BRD8: variants seen among roughly 807,000 people sequenced by gnomAD.
BRD8 encodes bromodomain-containing protein 8.
A neutral mutation model predicts 143.1 loss-of-function variants in BRD8; 67 were observed. The observed-to-expected ratio is 0.47, with a 90% confidence interval of 0.38 to 0.57. BRD8 has a LOEUF of 0.57. BRD8 is among the 20% of genes least tolerant of loss of function. The probability of loss-of-function intolerance (pLI) is 0.00; values close to 1 mark genes in which losing one functional copy is unlikely to be tolerated. For synonymous variants in BRD8, 505 were observed against 517.1 expected, an observed-to-expected ratio of 0.98 and a Z score of 0.32; for missense variants, 1,103 against 1,503.0, an observed-to-expected ratio of 0.73 and a Z score of 4.40.
rs142953765 is a variant in BRD8 at position 138,145,198 on chromosome 5, C to A, written c.3416G>T (p.Gly1139Val). 9.9e-5 allele frequency: 159 copies of A among 1,613,766 alleles called. No homozygotes were observed. The highest frequency in any genetic ancestry group is 1.5e-4 in the Admixed American group (9 of 59,958). The change falls in exon 25 of 27, where the codon GGG (glycine) becomes GTG (valine). Residue 1139 changes from glycine (G) to valine (V), a missense_variant. By Grantham distance (109) the Gly-to-Val change is moderately radical. Around this residue, in one of 7 missense-constraint regions of BRD8, gnomAD observed 369 missense variants for 445.5 expected, o/e 0.83. Coordinates refer to ENST00000254900, the MANE Select transcript of BRD8 (RefSeq NM_139199.2). ...TGACCTTTTCACCACATCCTTGTACCCTGGGGCCTGCCTTTCTGACACAGG... is the reference window on the plus strand; with the variant it reads ...TGACCTTTTCACCACATCCTTGTACACTGGGGCCTGCCTTTCTGACACAGG... The part of the protein sequence containing the change: ...LKPVSERQAP[G>V]YKDVVKRPMD...
At position 138,150,991 on chromosome 5, in the gene BRD8, C is replaced by G; in HGVS notation, c.2874G>C (p.Glu958Asp). Residue 958 changes from glutamate to aspartate, a missense_variant, in exon 22 of 27, where the codon GAG becomes GAC. Physicochemically the swap from Glu to Asp is conservative, Grantham distance 45 (BLOSUM62 2). This residue lies in a region of BRD8 where 369 missense variants were observed against 445.5 expected (regional missense o/e 0.83). Transcript: ENST00000254900. ...HFLSEVAYLM[E>D]PLCISSNESS... ...ATTCGTTGCTGCTGATGCACAAGGGCTCCATTAAATAAGCTACCTGCAATC... is the reference window on the plus strand; with the variant it reads ...ATTCGTTGCTGCTGATGCACAAGGGGTCCATTAAATAAGCTACCTGCAATC... 6.2e-7 allele frequency: 1 copy of G among 1,612,410 alleles called. No individual in the cohort carries two copies.
chr5:138,175,663 G>A (rs2151222881), intron 2 of BRD8, among the ~76,000 whole-genome samples: 1 of 149,972 alleles, frequency 6.7e-6, no homozygotes, highest in African/African-American at 2.5e-5. Context: ...AACATAGTGG[G>A]ACCTCGTCTC....
chr5:138,156,328 C>A (rs1581419027), intron 20 of BRD8, among the ~76,000 whole-genome samples: 1 of 152,076 alleles, frequency 6.6e-6, no homozygotes, highest in East Asian at 1.9e-4. Flanking sequence ...TTTGTAGAGA[C>A]AGAGTTTCAC....
At chr5:138,143,759 CTG>C (rs1752014671) in intron 25 of BRD8, among the ~76,000 whole-genome samples, 1 of 152,168 alleles carries the variant, frequency 6.6e-6, no homozygotes, top group African/African-American at 2.4e-5. Context: ...AATCAGCACT[CTG>C]TAAAAACGCA....
rs1405648062 is a variant in BRD8 at position 138,171,954 on chromosome 5, A to G, written c.186+111T>C. 4.9e-6 allele frequency: 4 copies of G among 823,898 alleles called. No individual in the cohort carries two copies. The East Asian group carries it at 9.7e-5, about 20-fold the overall frequency. 51.0% of individuals were successfully genotyped at this position (823,898 alleles called of 1,614,324 possible). The stretch of plus-strand genomic sequence containing the variant: ...GAAAAAGAAAAAGGTATTCTCAACT[A>G]TTTTCCCACATCATGGTATAAAAGC... On this transcript the variant is annotated intron_variant, in intron 3 of 26. Transcript: ENST00000254900.
In BRD8 at chr5:138,149,805, T is replaced by C. The variant is rs774597154; in HGVS notation, c.3121-8A>G. 1.3e-6 allele frequency: 2 copies of C among 1,591,908 alleles called. No homozygotes were observed. The highest frequency in any genetic ancestry group is 1.7e-6 in the Non-Finnish European group (2 of 1,173,368). On this transcript the variant is annotated splice_polypyrimidine_tract_variant and splice_region_variant and intron_variant, in intron 22 of 26. Coordinates refer to ENST00000254900, the MANE Select transcript of BRD8 (RefSeq NM_139199.2). ...TTCTTGCTGAGCCTCCCCCTAGGAA[T>C]GCCAGGAAACAGGAAACTTTAGAAG...
At chr5:138,140,948 C>T (rs1751880007) in intron 25 of BRD8, 66 bp from the exon 26 acceptor site, 5 of 1,543,954 alleles carry the variant, frequency 3.2e-6, no homozygotes, top group East Asian at 2.2e-5. Flanking sequence ...TAACCTAACA[C>T]GTTCTCTTGA....
intron 12 of BRD8, 113 bp downstream of exon 12, chr5:138,164,601 C>T (rs2151202451): frequency 1.6e-6 from 2 of 1,288,418 alleles, no homozygotes; most frequent in East Asian, 2.3e-5. Flanking sequence ...GCTTTGGACA[C>T]ATCAAACATG....
intron 20 of BRD8, among the ~76,000 whole-genome samples, chr5:138,155,907 T>C (rs1752571042): frequency 6.6e-6 from 1 of 152,082 alleles, no homozygotes; most frequent in Non-Finnish European, 1.5e-5. Flanking sequence ...AGGGTCTTGC[T>C]CTTTCACCCA....
chr5:138,141,661 T>C (rs956543664), intron 25 of BRD8, among the ~76,000 whole-genome samples: 3 of 152,186 alleles, frequency 2.0e-5, no homozygotes, highest in Admixed American at 6.5e-5. Flanking sequence ...CAATGTATAG[T>C]CATATATTAT....
Position 138,161,731 on chromosome 5 carries a change from A to T in BRD8, c.2249+65T>A, listed in dbSNP as rs1581430700. On this transcript the variant is annotated intron_variant, in intron 17 of 26. Coordinates refer to ENST00000254900, the MANE Select transcript of BRD8 (RefSeq NM_139199.2). The stretch of plus-strand genomic sequence containing the variant: ...CTTTAAACTTTCTATCGAAAGCAAA[A>T]CTTCACTAAGACTGGACAATTTATA... 4 of 1,534,062 alleles carry T rather than the reference A, an allele frequency of 2.6e-6. No homozygotes were observed. In the East Asian group the frequency reaches 9.1e-5, roughly 35 times the overall value.
chr5:138,154,655 T>C (rs1344643660), intron 20 of BRD8, among the ~76,000 whole-genome samples: 4 of 152,172 alleles, frequency 2.6e-5, no homozygotes, highest in Non-Finnish European at 5.9e-5. Context: ...AATATAGTTC[T>C]ATTAAAGGCA....
At chr5:138,153,877 T>G (rs1026403504) in intron 20 of BRD8, among the ~76,000 whole-genome samples, 2 of 152,054 alleles carry the variant, frequency 1.3e-5, no homozygotes, top group African/African-American at 4.8e-5. Context: ...GGTTTCACCA[T>G]GTTGACTAGG....
At chr5:138,176,850 T>G (rs956745783) in intron 2 of BRD8, among the ~76,000 whole-genome samples, 1 of 150,314 alleles carries the variant, frequency 6.7e-6, no homozygotes, top group African/African-American at 2.5e-5. Flanking sequence ...GTAATCCCAG[T>G]AGGTTGGGCG....
intron 2 of BRD8, chr5:138,172,695 ATCGAC>A (rs2151217308): frequency 3.6e-6 from 1 of 277,212 alleles, no homozygotes; most frequent in Non-Finnish European, 6.5e-6. Context: ...AAAAAAAAAA[ATCGAC>A]AAGGTATGGT....
intron 20 of BRD8, 97 bp from the exon 21 acceptor site, chr5:138,152,857 A>C (rs916323261): frequency 7.7e-7 from 1 of 1,302,896 alleles, no homozygotes; most frequent in Non-Finnish European, 1.1e-6. Context: ...AAGGGGCCAG[A>C]AATTTATTTG....
Position 138,166,021 on chromosome 5 carries a change from A to C in BRD8, c.1085T>G (p.Met362Arg). ...TVSMDSSEIS[M>R]IINSIKEECF... ...CTCTTCTTTGATAGAATTGATGATC[A>C]TGGATATTTCACTGCTGTCCATGGA... Residue 362 changes from methionine to arginine, a missense_variant, in exon 11 of 27, where the codon ATG becomes AGG. This residue lies in a region of BRD8 where 334 missense variants were observed against 372.5 expected (regional missense o/e 0.90). Coordinates refer to ENST00000254900, the MANE Select transcript of BRD8 (RefSeq NM_139199.2). 6.2e-7 allele frequency: 1 copy of C among 1,614,236 alleles called. No individual in the cohort carries two copies. Among genetic ancestry groups the C allele is most frequent in the Non-Finnish European group, 8.5e-7 (1 of 1,180,042 alleles).
chr5:138,172,861 TC>T, intron 2 of BRD8: 1 of 319,992 alleles, frequency 3.1e-6, no homozygotes, highest in Non-Finnish European at 6.1e-6. Context: ...CCTCCGCCAT[TC>T]AAAAAAAAAA....
At chr5:138,171,626 G>A (rs538845247) in intron 3 of BRD8, among the ~76,000 whole-genome samples, 1 of 152,248 alleles carries the variant, frequency 6.6e-6, no homozygotes, top group South Asian at 2.1e-4. Flanking sequence ...TGGAGTTTGT[G>A]CATTTGCGGA....
Sources: allele counts gnomAD v4.1 joint callset (sites outside exome capture counted in the v4.1 genomes callset), GRCh38; gene constraint gnomAD v4.1.1; regional missense constraint gnomAD v4.1.1; transcripts MANE v1.5; gene names NCBI Gene and HGNC (gene_info 2026-07-23, HGNC 2026-07-21).